RNF150: variants seen among roughly 807,000 people sequenced by gnomAD.
RNF150 encodes ring finger protein 150.
Under a neutral mutation model 39.3 loss-of-function variants are expected in RNF150, and 24 were observed. That is an observed-to-expected ratio of 0.61 (90% confidence interval 0.44 to 0.86). The LOEUF (loss-of-function observed/expected upper bound fraction) is 0.86, where lower values mean the gene tolerates loss of function less well. Ranked by LOEUF, RNF150 falls within the 40% of genes least tolerant of loss-of-function variation. The pLI is 0.00. For missense variants in RNF150, 502 were observed against 587.8 expected (o/e 0.85, Z 1.51); for synonymous variants, 255 against 227.3 (o/e 1.12, Z -1.10).
intron 1 of RNF150, among the ~76,000 whole-genome samples, chr4:141,166,782 T>C (rs951451490): frequency 2.0e-5 from 3 of 152,124 alleles, no homozygotes; most frequent in Admixed American, 6.6e-5. Context: ...TAGGTATTGA[T>C]GGAAAATATC....
intron 1 of RNF150, among the ~76,000 whole-genome samples, chr4:141,074,002 A>T (rs1737804381): frequency 6.6e-6 from 1 of 151,972 alleles, no homozygotes. Flanking sequence ...AGACTCCCCC[A>T]TCCTGGACTT....
intron 5 of RNF150, among the ~76,000 whole-genome samples, chr4:140,920,377 G>T (rs1054763615): frequency 6.8e-6 from 1 of 147,258 alleles, no homozygotes; most frequent in Non-Finnish European, 1.5e-5. Context: ...AGTGGGCAAA[G>T]GACATGAACA....
chr4:141,019,823 A>C (rs142408337), intron 1 of RNF150, among the ~76,000 whole-genome samples: 48 of 152,326 alleles, frequency 3.2e-4, no homozygotes, highest in African/African-American at 1.1e-3. Flanking sequence ...TCAAATTGAC[A>C]GAGAAGGCAG....
At chr4:141,041,467 A>G (rs1481299911) in intron 1 of RNF150, among the ~76,000 whole-genome samples, 1 of 152,142 alleles carries the variant, frequency 6.6e-6, no homozygotes, top group Admixed American at 6.6e-5. Flanking sequence ...CTCAGAAATC[A>G]TCTCCTTACT....
intron 1 of RNF150, among the ~76,000 whole-genome samples, chr4:141,172,170 C>A (rs1189674218): frequency 6.6e-6 from 1 of 151,982 alleles, no homozygotes; most frequent in Non-Finnish European, 1.5e-5. Context: ...TGGGGCAGCT[C>A]GGTGGCTCTG....
At chr4:141,061,855 T>C (rs919324651) in intron 1 of RNF150, among the ~76,000 whole-genome samples, 1 of 152,178 alleles carries the variant, frequency 6.6e-6, no homozygotes, top group Admixed American at 6.5e-5. Flanking sequence ...AGGATCTGAA[T>C]TAAGTAGGTC....
Position 141,097,892 on chromosome 4 carries a change from T to C in RNF150, c.484+34433A>G, listed in dbSNP as rs77498199. On this transcript the variant is annotated intron_variant, in intron 1 of 6. Coordinates refer to ENST00000515673, the MANE Select transcript of RNF150 (RefSeq NM_020724.2). ...TCTCAGTTTATCCATCATTTTAACTTTGTTAGTAGTGGTTTTCCTTGAGAT... is the reference window on the plus strand; with the variant it reads ...TCTCAGTTTATCCATCATTTTAACTCTGTTAGTAGTGGTTTTCCTTGAGAT... Among the ~76,000 whole-genome samples the C allele has an allele frequency of 3.3e-3, 507 of 152,248 alleles. 2 individuals carry two copies. The highest frequency in any genetic ancestry group is 0.011 in the African/African-American group (477 of 41,530).
intron 1 of RNF150, among the ~76,000 whole-genome samples, chr4:141,090,466 T>G (rs1351550334): frequency 6.6e-6 from 1 of 152,146 alleles, no homozygotes; most frequent in African/African-American, 2.4e-5. Flanking sequence ...AAAACCCACC[T>G]CTACATTTAC....
intron 1 of RNF150, among the ~76,000 whole-genome samples, chr4:141,124,397 T>C (rs1310335832): frequency 1.3e-5 from 2 of 152,158 alleles, no homozygotes; most frequent in Admixed American, 1.3e-4. Context: ...GGGAGTGCCT[T>C]CCTGATAAGA....
intron 4 of RNF150, among the ~76,000 whole-genome samples, chr4:140,942,829 A>G (rs1443771912): frequency 6.6e-6 from 1 of 152,204 alleles, no homozygotes; most frequent in Non-Finnish European, 1.5e-5. Flanking sequence ...AAAGTTGGGA[A>G]GCATCTACCA....
chr4:141,005,840 G>A (rs1023500268), intron 1 of RNF150, among the ~76,000 whole-genome samples: 1 of 149,982 alleles, frequency 6.7e-6, no homozygotes, highest in Non-Finnish European at 1.5e-5. Context: ...AGGCCGAGGC[G>A]GGCGGATCAC....
At chr4:141,208,405 A>C (rs1450351315) in intron 1 of RNF150, among the ~76,000 whole-genome samples, 1 of 152,208 alleles carries the variant, frequency 6.6e-6, no homozygotes, top group Non-Finnish European at 1.5e-5. Context: ...CCAGCCACCA[A>C]AGCACTTAGC....
In RNF150 at chr4:140,866,927, A is replaced by T. The variant is rs1268169044; in HGVS notation, c.*1334T>A. ...AGTTACAAAAGATGAATAAAAACAG[A>T]AACAGTTTAAAAACACCATTGGGTT... On this transcript the variant is annotated 3_prime_UTR_variant, in exon 7 of 7. Transcript: ENST00000515673. 6.6e-6 allele frequency: 1 copy of T among 152,246 alleles called. No homozygotes were observed. Among genetic ancestry groups the T allele is most frequent in the African/African-American group, 2.4e-5 (1 of 41,476 alleles). The allele number at this position is 152,246 out of a possible 1,614,324, so 9.4% of individuals were successfully genotyped here. A position where few individuals can be genotyped will look rare whatever the true frequency, so the allele number is the denominator to read the frequency against.
Position 140,921,711 on chromosome 4 carries a change from A to C in RNF150, c.987+4266T>G, listed in dbSNP as rs564599443. The stretch of plus-strand genomic sequence containing the variant: ...TATCCTTGATGAACATTGATCCAAA[A>C]AACCTCAATAAAATACTGGCAAACC... On this transcript the variant is annotated intron_variant, in intron 5 of 6. Coordinates refer to ENST00000515673, the MANE Select transcript of RNF150 (RefSeq NM_020724.2). 7.9e-5 allele frequency among the ~76,000 whole-genome samples: 12 copies of C among 152,328 alleles called. No homozygotes were observed. The South Asian group carries it at 2.3e-3, about 29-fold the overall frequency.
chr4:141,102,193 A>C (rs1040861813), intron 1 of RNF150, among the ~76,000 whole-genome samples: 1 of 152,238 alleles, frequency 6.6e-6, no homozygotes, highest in Non-Finnish European at 1.5e-5. Flanking sequence ...GTATATCCAC[A>C]GAAGGCATAT....
intron 1 of RNF150, among the ~76,000 whole-genome samples, chr4:141,209,803 T>C (rs950409517): frequency 1.3e-5 from 2 of 152,064 alleles, no homozygotes; most frequent in Admixed American, 1.3e-4. Flanking sequence ...GCCAGGAGTT[T>C]GAGAATAGCC....
At chr4:141,108,877 T>C (rs2111055108) in intron 1 of RNF150, among the ~76,000 whole-genome samples, 1 of 152,330 alleles carries the variant, frequency 6.6e-6, no homozygotes, top group Middle Eastern at 3.4e-3. Context: ...ATAATATGCA[T>C]CCTTAACCGC....
At position 140,962,562 on chromosome 4, in the gene RNF150, A is replaced by T. The variant is rs145900651; in HGVS notation, c.735+5061T>A. On this transcript the variant is annotated intron_variant, in intron 2 of 6. Transcript: ENST00000515673. ...ACCAACTGAAGCATATTAGTTCTACATCTCATTTTCATTGCCTTGTGTTTG... is the reference window on the plus strand; with the variant it reads ...ACCAACTGAAGCATATTAGTTCTACTTCTCATTTTCATTGCCTTGTGTTTG... 3.3e-5 allele frequency among the ~76,000 whole-genome samples: 5 copies of T among 152,056 alleles called. No homozygotes were observed. The East Asian group carries it at 5.8e-4, about 18-fold the overall frequency.
Position 141,132,974 on chromosome 4 carries a change from C to T in RNF150, c.-166G>A, listed in dbSNP as rs1726946176. 3.5e-6 allele frequency: 2 copies of T among 574,546 alleles called. No individual in the cohort carries two copies. The highest frequency in any genetic ancestry group is 2.2e-5 in the South Asian group (1 of 46,160). The allele number at this position is 574,546 out of a possible 1,614,324, so 35.6% of individuals were successfully genotyped here. On this transcript the variant is annotated 5_prime_UTR_variant, in exon 1 of 7. Transcript: ENST00000515673. This position sits in a 1 kb window ranked among gnomAD's most constrained non-coding sequence, Gnocchi z 4.9. ...CGCAGCCGCCGCGGGGACCGGATTC[C>T]GGGCGAGCGGATGGCGCTGGCCCCT...
Sources: gnomAD v4.1 joint callset for allele counts (sites outside exome capture counted in the v4.1 genomes callset) on GRCh38, gnomAD v4.1.1 for gene constraint, Gnocchi (gnomAD v3.1) non-coding constraint, MANE v1.5 for transcripts, NCBI Gene and HGNC (gene_info 2026-07-23, HGNC 2026-07-21) for gene names.